The following TPD52 variants were observed in gnomAD, a reference collection of about 807,000 sequenced individuals.
The protein encoded by TPD52 is prostate and colon associated protein.
TPD52 carries 17 observed loss-of-function variants against 31.3 expected under a neutral mutation model. That is an observed-to-expected ratio of 0.54 (90% confidence interval 0.37 to 0.82). The LOEUF is 0.82. Among genes scored for constraint, TPD52 ranks in the 40% least tolerant of loss-of-function variants. The pLI is 0.00. For synonymous variants in TPD52, 83 were observed against 89.6 expected (o/e 0.93, Z 0.42); for missense variants, 212 against 240.1 (o/e 0.88, Z 0.77).
At chr8:80,122,023 G>GA (rs3053827) in intron 1 of TPD52, among the ~76,000 whole-genome samples, 5,348 of 146,024 alleles carry the variant, frequency 0.037, 166 homozygotes, top group African/African-American at 0.08. Context: ...ACCTTCAAAA[G>GA]AAAAAAAAAA....
chr8:80,164,440 T>G (rs1811578597), intron 1 of TPD52, among the ~76,000 whole-genome samples: 1 of 152,098 alleles, frequency 6.6e-6, no homozygotes, highest in South Asian at 2.1e-4. Context: ...GGTGGAGGTG[T>G]TAAGATTTAT....
intron 1 of TPD52, among the ~76,000 whole-genome samples, chr8:80,132,015 T>C (rs1809053360): frequency 6.7e-6 from 1 of 148,804 alleles, no homozygotes; most frequent in African/African-American, 2.6e-5. Context: ...ATAATAAAAA[T>C]CTATTTTTCT....
At chr8:80,048,129 TC>T (rs1213667155) in intron 5 of TPD52, among the ~76,000 whole-genome samples, 3 of 152,158 alleles carry the variant, frequency 2.0e-5, no homozygotes, top group African/African-American at 7.2e-5. Flanking sequence ...CCAGAGGGCC[TC>T]CCAGGACAGC....
chr8:80,170,189 T>C (rs1030893819), intron 1 of TPD52, among the ~76,000 whole-genome samples: 1 of 150,912 alleles, frequency 6.6e-6, no homozygotes, highest in Non-Finnish European at 1.5e-5. Context: ...CTGAGGCGGG[T>C]GGATCACCTG....
intron 1 of TPD52, among the ~76,000 whole-genome samples, chr8:80,086,115 T>TA (rs1815738011): frequency 1.4e-5 from 2 of 138,382 alleles, no homozygotes; most frequent in African/African-American, 2.8e-5. Context: ...TTTTTTTTTT[T>TA]AGTTTTTTTT....
chr8:80,053,415 G>T lies in TPD52; in HGVS notation c.151C>A (p.Gln51Lys). ...GCTGCTAACACTTGAGACAGAGTCT[G>T]GATTTCTTCTTCTACCTATGAGGAA... is the stretch of plus-strand genomic sequence containing the variant. ...RELAKVEEEI[Q>K]TLSQVLAAKE... The change falls in exon 3 of 8, where the codon CAG becomes AAG. Residue 51 changes from glutamine (Q) to lysine (K), a missense_variant. Coordinates refer to ENST00000518937, the MANE Select transcript of TPD52 (RefSeq NM_001025253.3). 1.9e-6 allele frequency: 3 copies of T among 1,613,138 alleles called. No individual in the cohort carries two copies. The highest frequency in any genetic ancestry group is 2.5e-6 in the Non-Finnish European group (3 of 1,179,508).
intron 1 of TPD52, among the ~76,000 whole-genome samples, chr8:80,151,159 C>T (rs1235392865): frequency 1.3e-5 from 2 of 152,160 alleles, no homozygotes; most frequent in Admixed American, 6.5e-5. Context: ...AGTTCTCCTG[C>T]ATATGCTCTC....
chr8:80,140,984 T>TGTGG (rs58969780), intron 1 of TPD52, among the ~76,000 whole-genome samples: 1 of 149,532 alleles, frequency 6.7e-6, no homozygotes, highest in Non-Finnish European at 1.5e-5. Context: ...TGTGTGTGTG[T>TGTGG]AGAAAGAGTA....
downstream of TPD52, among the ~76,000 whole-genome samples, chr8:80,033,982 C>T (rs1420144143): frequency 1.3e-5 from 2 of 152,036 alleles, no homozygotes; most frequent in Non-Finnish European, 2.9e-5. Context: ...CAACAGGGAC[C>T]CACCCCTTCC....
chr8:80,169,808 T>G (rs2131293756), intron 1 of TPD52, among the ~76,000 whole-genome samples: 1 of 152,282 alleles, frequency 6.6e-6, no homozygotes, highest in South Asian at 2.1e-4. Flanking sequence ...TAACAATATA[T>G]ACAAGACATG....
At chr8:80,046,414 T>A (rs1304875880) in intron 5 of TPD52, among the ~76,000 whole-genome samples, 2 of 152,342 alleles carry the variant, frequency 1.3e-5, no homozygotes, top group South Asian at 4.1e-4. Context: ...CATAGTTAGA[T>A]GAAATTCAAT....
intron 1 of TPD52, among the ~76,000 whole-genome samples, chr8:80,065,265 C>CTA (rs3053811): frequency 0.54 from 79,447 of 147,770 alleles, 22,025 homozygotes; most frequent in East Asian, 0.7. Context: ...TTATATCTAT[C>CTA]TATATATATC....
intron 1 of TPD52, among the ~76,000 whole-genome samples, chr8:80,081,598 ACTCTCC>A (rs1198723767): frequency 6.6e-6 from 1 of 151,926 alleles, no homozygotes; most frequent in Non-Finnish European, 1.5e-5. Context: ...GCTCAGATAT[ACTCTCC>A]TTGGATTGGA....
chr8:80,168,126 C>A (rs1001476752), intron 1 of TPD52, among the ~76,000 whole-genome samples: 2 of 152,182 alleles, frequency 1.3e-5, no homozygotes, highest in African/African-American at 4.8e-5. Context: ...TCACTGAACT[C>A]TCACTGTAAG....
intron 3 of TPD52, among the ~76,000 whole-genome samples, chr8:80,052,292 G>C (rs958931528): frequency 6.6e-6 from 1 of 152,064 alleles, no homozygotes. Flanking sequence ...GATTAGAGAA[G>C]AGAAAAGCAA....
chr8:80,090,421 A>T (rs934894089), intron 1 of TPD52, among the ~76,000 whole-genome samples: 8 of 152,156 alleles, frequency 5.3e-5, no homozygotes, highest in Non-Finnish European at 2.9e-5. Context: ...CAAAGAAGAC[A>T]ATGCAGAAGA....
intron 1 of TPD52, among the ~76,000 whole-genome samples, chr8:80,108,179 C>T (rs142449060): frequency 1.3e-5 from 2 of 152,270 alleles, no homozygotes; most frequent in East Asian, 3.9e-4. Context: ...TCAAAGCAAT[C>T]AATATTCCAA....
At chr8:80,117,167 G>A (rs1807922586) in intron 1 of TPD52, among the ~76,000 whole-genome samples, 1 of 152,022 alleles carries the variant, frequency 6.6e-6, no homozygotes, top group African/African-American at 2.4e-5. Context: ...GCAAGAAAAA[G>A]GACTAAAAGG....
At chr8:80,099,513 T>C (rs1397795550) in intron 1 of TPD52, among the ~76,000 whole-genome samples, 2 of 131,262 alleles carry the variant, frequency 1.5e-5, no homozygotes, top group Non-Finnish European at 3.1e-5. Context: ...TAACATCTTT[T>C]TTTTTTTTTT....
Sources: gnomAD v4.1 joint callset for allele counts (sites outside exome capture counted in the v4.1 genomes callset) on GRCh38, gnomAD v4.1.1 for gene constraint, MANE v1.5 for transcripts, NCBI Gene and HGNC (gene_info 2026-07-23, HGNC 2026-07-21) for gene names.